The following FRMD4B variants were observed in gnomAD, a reference collection of about 807,000 sequenced individuals.
FRMD4B encodes FERM domain containing 4B, also known as FERM domain-containing protein 4B.
FRMD4B carries 74 observed loss-of-function variants against 141.5 expected under a neutral mutation model. The ratio of observed to expected loss-of-function variants is 0.52; its 90% confidence interval spans 0.43 to 0.63. The LOEUF is 0.63. Among genes scored for constraint, FRMD4B ranks in the 30% least tolerant of loss-of-function variants. FRMD4B has a pLI of 0.00. For synonymous variants in FRMD4B, 506 were observed against 467.9 expected, an observed-to-expected ratio of 1.08 and a Z score of -1.05; for missense variants, 1,366 against 1,253.4, an observed-to-expected ratio of 1.09 and a Z score of -1.36.
intron 1 of FRMD4B, among the ~76,000 whole-genome samples, chr3:69,474,997 G>A (rs1004416019): frequency 5.3e-5 from 8 of 152,116 alleles, no homozygotes; most frequent in Non-Finnish European, 7.4e-5. Flanking sequence ...GAGGGAAAAA[G>A]GAAATGTCTT....
intron 6 of FRMD4B, 127 bp downstream of exon 6, chr3:69,249,916 G>T: frequency 1.5e-6 from 1 of 688,154 alleles, no homozygotes; most frequent in Non-Finnish European, 2.6e-6. Flanking sequence ...ATTTTTCATC[G>T]GCAAACAACT....
intron 1 of FRMD4B, among the ~76,000 whole-genome samples, chr3:69,354,388 A>C (rs1355564029): frequency 6.6e-6 from 1 of 152,212 alleles, no homozygotes; most frequent in Non-Finnish European, 1.5e-5. Flanking sequence ...GTGACAGGGT[A>C]TCATGCTTCT....
chr3:69,193,234 C>T (rs781588773), intron 17 of FRMD4B, among the ~76,000 whole-genome samples: 6 of 152,116 alleles, frequency 3.9e-5, no homozygotes, highest in East Asian at 3.9e-4. Context: ...GTTTGTCAGG[C>T]GCAGTGGCTC....
chr3:69,213,273 T>C (rs1365267983), intron 11 of FRMD4B, among the ~76,000 whole-genome samples: 1 of 151,460 alleles, frequency 6.6e-6, no homozygotes, highest in African/African-American at 2.4e-5. Flanking sequence ...GGAGGAAAAA[T>C]GGGGATTGCA....
Position 69,370,075 on chromosome 3 carries a change from A to T in FRMD4B, c.162+15753T>A, listed in dbSNP as rs114358551. Reference sequence around the variant, plus strand: ...GCAAGCTTTTAATTAAACACTAATAAAGGCCAGAAATAAATTTTGCTTTTG... The same window carrying T: ...GCAAGCTTTTAATTAAACACTAATATAGGCCAGAAATAAATTTTGCTTTTG... On this transcript the variant is annotated intron_variant, in intron 1 of 22. Transcript: ENST00000398540. Among the ~76,000 whole-genome samples the T allele has an allele frequency of 8.1e-3, 1,233 of 151,938 alleles. 23 individuals carry two copies. Among genetic ancestry groups the T allele is most frequent in the African/African-American group, 0.028 (1,169 of 41,452 alleles).
At chr3:69,272,839 T>C (rs1048874824) in intron 5 of FRMD4B, among the ~76,000 whole-genome samples, 4 of 152,228 alleles carry the variant, frequency 2.6e-5, no homozygotes, top group African/African-American at 9.6e-5. Flanking sequence ...CAAGGCATTA[T>C]AAATATGGAT....
intron 1 of FRMD4B, among the ~76,000 whole-genome samples, chr3:69,366,862 T>G (rs1703679574): frequency 6.6e-6 from 1 of 152,046 alleles, no homozygotes; most frequent in Non-Finnish European, 1.5e-5. Flanking sequence ...CTCAACCTCC[T>G]GGGCTCAAGT....
chr3:69,346,899 G>A (rs180718889), intron 1 of FRMD4B, among the ~76,000 whole-genome samples: 3,367 of 152,206 alleles, frequency 0.022, 108 homozygotes, highest in African/African-American at 0.075. Context: ...AAAGACCATC[G>A]AGGCTAGGAA....
At chr3:69,359,807 G>A (rs1703423404) in intron 1 of FRMD4B, among the ~76,000 whole-genome samples, 2 of 152,164 alleles carry the variant, frequency 1.3e-5, no homozygotes, top group African/African-American at 4.8e-5. Context: ...CATAAACTTT[G>A]TAAAATTGAG....
At chr3:69,493,615 T>C (rs1305349387) in intron 1 of FRMD4B, among the ~76,000 whole-genome samples, 1 of 152,170 alleles carries the variant, frequency 6.6e-6, no homozygotes, top group Admixed American at 6.5e-5. Flanking sequence ...CAGCACTCCA[T>C]TTATTCGCCC....
chr3:69,180,438 T>C (rs2092693443), intron 21 of FRMD4B, among the ~76,000 whole-genome samples: 1 of 152,040 alleles, frequency 6.6e-6, no homozygotes, highest in African/African-American at 2.4e-5. Flanking sequence ...AATTCTAATG[T>C]TTTCTGCTTA....
chr3:69,296,718 C>A (rs1701044645), intron 4 of FRMD4B, among the ~76,000 whole-genome samples: 1 of 152,156 alleles, frequency 6.6e-6, no homozygotes, highest in African/African-American at 2.4e-5. Context: ...AATTTCCAGT[C>A]CTCTCATTAT....
At chr3:69,237,424 T>C (rs1384210300) in intron 7 of FRMD4B, among the ~76,000 whole-genome samples, 1 of 152,286 alleles carries the variant, frequency 6.6e-6, no homozygotes, top group Non-Finnish European at 1.5e-5. Context: ...AAGAATTATA[T>C]AAGCCTTTCT....
rs193007336 is a variant in FRMD4B at position 69,268,242 on chromosome 3, A to C, written c.502-18143T>G. Among the ~76,000 whole-genome samples, 31 of 152,086 alleles carry C rather than the reference A, an allele frequency of 2.0e-4. 1 individual carries two copies. The highest frequency in any genetic ancestry group is 7.0e-4 in the African/African-American group (29 of 41,352). On this transcript the variant is annotated intron_variant, in intron 5 of 22. Coordinates refer to ENST00000398540, the MANE Select transcript of FRMD4B (RefSeq NM_015123.3). ...AAGTAAGGGAGTGAGTGTTTATGAG[A>C]CTGCCCTGGAAATGAGAGGTGTGGC...
At chr3:69,254,061 C>T (rs1405619861) in intron 5 of FRMD4B, among the ~76,000 whole-genome samples, 2 of 152,082 alleles carry the variant, frequency 1.3e-5, no homozygotes, top group South Asian at 2.1e-4. Context: ...ACCTGGGCAA[C>T]AGAGCAAGAC....
chr3:69,477,071 CT>C (rs1706014610), intron 1 of FRMD4B, among the ~76,000 whole-genome samples: 1 of 152,114 alleles, frequency 6.6e-6, no homozygotes, highest in Admixed American at 6.5e-5. Flanking sequence ...TGAGACTTTG[CT>C]GAGGTTGCTT....
At chr3:69,462,907 T>G (rs1479702211) in intron 1 of FRMD4B, among the ~76,000 whole-genome samples, 1 of 152,242 alleles carries the variant, frequency 6.6e-6, no homozygotes, top group Non-Finnish European at 1.5e-5. Context: ...GAAGACCATG[T>G]AGTCAGCTTG....
At chr3:69,421,700 A>G (rs944441453) in intron 2 of FRMD4B, among the ~76,000 whole-genome samples, 1 of 152,218 alleles carries the variant, frequency 6.6e-6, no homozygotes, top group Non-Finnish European at 1.5e-5. Context: ...CTCAGTCACA[A>G]CAGCCACCTT....
At chr3:69,522,528 C>G (rs1700868818) in intron 1 of FRMD4B, among the ~76,000 whole-genome samples, 1 of 152,056 alleles carries the variant, frequency 6.6e-6, no homozygotes, top group South Asian at 2.1e-4. Flanking sequence ...TGTGTGCCAC[C>G]CAGGAAGCAA....
Sources: allele counts gnomAD v4.1 joint callset (sites outside exome capture counted in the v4.1 genomes callset), GRCh38; gene constraint gnomAD v4.1.1; transcripts MANE v1.5; gene names NCBI Gene and HGNC (gene_info 2026-07-23, HGNC 2026-07-21).